The following CLSPN variants were observed in gnomAD, a reference collection of about 807,000 sequenced individuals.
The protein encoded by CLSPN is claspin.
In CLSPN, 85 loss-of-function variants were observed where a neutral mutation model predicts 156.3. The ratio of observed to expected loss-of-function variants is 0.54; its 90% confidence interval spans 0.46 to 0.65. The LOEUF is 0.65. Among genes scored for constraint, CLSPN ranks in the 30% least tolerant of loss-of-function variants. The pLI is 0.00. For missense variants in CLSPN, 1,407 were observed against 1,554.9 expected (o/e 0.90, Z 1.60); for synonymous variants, 534 against 542.4 (o/e 0.98, Z 0.22).
chr1:35,756,670 G>A (rs1642282524), intron 8 of CLSPN, among the ~76,000 whole-genome samples: 1 of 152,148 alleles, frequency 6.6e-6, no homozygotes, highest in East Asian at 1.9e-4. Flanking sequence ...GGAATTAGAG[G>A]CAGGGATTAT....
At position 35,737,352 on chromosome 1, in the gene CLSPN, C is replaced by T; in HGVS notation, c.3734G>A (p.Gly1245Glu). ...TTCCCAACCAACCTGTTGAGCACTTCCTGGTCTGATGGCTTCAAAAGGATT... is the reference window on the plus strand; with the variant it reads ...TTCCCAACCAACCTGTTGAGCACTTTCTGGTCTGATGGCTTCAAAAGGATT... ...LRNPFEAIRP[G>E]SAQQVKTGSL... Residue 1245 changes from glycine (G) to glutamate (E), a missense_variant, in exon 23 of 25, where the codon GGA becomes GAA. Physicochemically the swap from Gly to Glu is moderately conservative, Grantham distance 98. Coordinates refer to ENST00000318121, the MANE Select transcript of CLSPN (RefSeq NM_022111.4). The T allele has an allele frequency of 6.2e-7, 1 of 1,613,950 alleles. No individual in the cohort carries two copies. The highest frequency in any genetic ancestry group is 8.5e-7 in the Non-Finnish European group (1 of 1,179,840).
chr1:35,736,872 T>G, intron 24 of CLSPN, 42 bp downstream of exon 24: 1 of 1,577,218 alleles, frequency 6.3e-7, no homozygotes, highest in Non-Finnish European at 8.6e-7. Flanking sequence ...ATGAATAAAT[T>G]CTGGTTTGGG....
rs1641850597 is a variant in CLSPN, at chr1:35,745,554, T to A, written c.2863A>T (p.Thr955Ser). The change falls in exon 16 of 25, where the codon ACT becomes TCT. Residue 955 changes from threonine to serine, a missense_variant. By Grantham distance (58) the Thr-to-Ser change is moderately conservative. Coordinates refer to ENST00000318121, the MANE Select transcript of CLSPN (RefSeq NM_022111.4). The stretch of plus-strand genomic sequence containing the variant: ...TTATTTAACTCTGATGAGGCTGGAG[T>A]GGAGGCATCTACATCACAACAAGGA... ...SGKFTSQDAS[T>S]PASSELNKQE... 1 of 1,608,406 alleles carries A rather than the reference T, an allele frequency of 6.2e-7. No homozygotes were observed. The highest frequency in any genetic ancestry group is 1.3e-5 in the African/African-American group (1 of 74,770).
At position 35,761,170 on chromosome 1, in the gene CLSPN, C is replaced by T. The variant is rs543042137; in HGVS notation, c.930G>A (p.Glu310=). ...TGAAGAAATCATGAATGGTTTTATT[C>T]TCAGGCATATGATATGGAAGGTTCA... The part of the protein sequence containing the change: ...SALNLPYHMP[E]NKTIHDFFKR... Residue 310 remains glutamate, a synonymous_variant, in exon 7 of 25, where the codon GAG becomes GAA. Coordinates refer to ENST00000318121, the MANE Select transcript of CLSPN (RefSeq NM_022111.4). The T allele has an allele frequency of 5.2e-5, 84 of 1,613,652 alleles. No individual in the cohort carries two copies. Among genetic ancestry groups the T allele is most frequent in the Admixed American group, 2.2e-4 (13 of 60,016 alleles).
At chr1:35,749,441 A>G in intron 12 of CLSPN, 26 bp downstream of exon 12, 1 of 1,609,292 alleles carries the variant, frequency 6.2e-7, no homozygotes, top group Non-Finnish European at 8.5e-7. Flanking sequence ...AGAAATGTTA[A>G]GTTCTGCACA....
At chr1:35,739,088 C>A (rs1029717963) in intron 20 of CLSPN, 48 bp downstream of exon 20, 13 of 1,610,302 alleles carry the variant, frequency 8.1e-6, no homozygotes, top group African/African-American at 1.3e-5. Context: ...CGTGAGCCAC[C>A]ATGCTCAGCC....
chr1:35,751,033 T>C (rs573948193), intron 10 of CLSPN, among the ~76,000 whole-genome samples: 3 of 151,694 alleles, frequency 2.0e-5, no homozygotes, highest in African/African-American at 7.2e-5. Context: ...TACCACTGAA[T>C]ATCTGTATTC....
At chr1:35,753,242 C>T (rs1250332268) in intron 9 of CLSPN, among the ~76,000 whole-genome samples, 1 of 152,130 alleles carries the variant, frequency 6.6e-6, no homozygotes, top group East Asian at 1.9e-4. Context: ...CAGGTGCAGG[C>T]CACCATGCCT....
intron 16 of CLSPN, 40 bp from the exon 17 acceptor site, chr1:35,743,570 A>C: frequency 6.6e-7 from 1 of 1,519,820 alleles, no homozygotes; most frequent in Non-Finnish European, 9.1e-7. Flanking sequence ...AAGTTGTTGA[A>C]AGCAAACTAC....
rs1571220472 is a variant in CLSPN, at chr1:35,762,205, A to G, written c.823-135T>C. 11 of 804,990 alleles carry G rather than the reference A, an allele frequency of 1.4e-5. No individual in the cohort carries two copies. The Middle Eastern group carries it at 9.4e-4, about 69-fold the overall frequency. 49.9% of individuals were successfully genotyped at this position (804,990 alleles called of 1,614,324 possible). On this transcript the variant is annotated intron_variant, in intron 5 of 24. Transcript: ENST00000318121. ...AAGCATGAGTAAGCCCAAATGCAGT[A>G]TAAACTCAAGGAATTCATTTATTCC...
At chr1:35,741,609 C>T (rs1346912588) in intron 18 of CLSPN, among the ~76,000 whole-genome samples, 1 of 152,150 alleles carries the variant, frequency 6.6e-6, no homozygotes, top group Non-Finnish European at 1.5e-5. Flanking sequence ...GGCCACTGCA[C>T]CCAGTTTGTA....
intron 22 of CLSPN, 163 bp downstream of exon 22, chr1:35,737,829 T>C (rs1371323407): frequency 4.5e-6 from 2 of 440,666 alleles, no homozygotes; most frequent in Non-Finnish European, 8.0e-6. Flanking sequence ...TAGTCTAAGA[T>C]CTAAGTACAC....
Position 35,736,513 on chromosome 1 carries a change from T to G in CLSPN, c.4003A>C (p.Lys1335Gln). 6.2e-7 allele frequency: 1 copy of G among 1,604,944 alleles called. No homozygotes were observed. Among genetic ancestry groups the G allele is most frequent in the Non-Finnish European group, 8.5e-7 (1 of 1,176,306 alleles). Residue 1335 changes from lysine (K) to glutamine (Q), a missense_variant, in exon 25 of 25, where the codon AAA (lysine) becomes CAA (glutamine). Physicochemically the swap from Lys to Gln is moderately conservative, Grantham distance 53 (BLOSUM62 1). Transcript: ENST00000318121. ...STSGLTRSIF[K>Q]YLES is the part of the protein sequence containing the mutation. Reference sequence around the variant, plus strand: ...TGATGGTGTTAGCTCTCCAAATATTTGAAGATGCTTCGCGTCAATCCTGAA... The same window carrying G: ...TGATGGTGTTAGCTCTCCAAATATTGGAAGATGCTTCGCGTCAATCCTGAA...
rs1334781270 is a variant in CLSPN at position 35,732,623 on chromosome 1, A to G, written c.*3873T>C. 2 of 985,338 alleles carry G rather than the reference A, an allele frequency of 2.0e-6. No homozygotes were observed. Among genetic ancestry groups the G allele is most frequent in the Non-Finnish European group, 2.4e-6 (2 of 829,944 alleles). 61.0% of individuals were successfully genotyped at this position (985,338 alleles called of 1,614,324 possible). ...TATGGAACAAGGAAGAAACAAAAAC[A>G]CTGACACTGAGCCTACCCTATCTCC... is the stretch of plus-strand genomic sequence containing the variant. On this transcript the variant is annotated 3_prime_UTR_variant, in exon 25 of 25. Transcript: ENST00000318121.
exon 25 of CLSPN, chr1:35,720,583 G>T: frequency 6.2e-6 from 1 of 161,740 alleles, no homozygotes; most frequent in Non-Finnish European, 1.3e-5. Context: ...CTGAGTAGCT[G>T]GGATTACAGG....
intron 9 of CLSPN, among the ~76,000 whole-genome samples, chr1:35,751,973 C>T (rs1046559894): frequency 3.3e-5 from 5 of 152,074 alleles, no homozygotes; most frequent in African/African-American, 4.8e-5. Flanking sequence ...GATACATTTT[C>T]GACATGTTAG....
At chr1:35,766,473 T>A (rs1334099981) in intron 1 of CLSPN, among the ~76,000 whole-genome samples, 2 of 151,974 alleles carry the variant, frequency 1.3e-5, no homozygotes, top group East Asian at 3.9e-4. Context: ...AGATGGAGTT[T>A]TGCCGTTGTC....
At position 35,764,260 on chromosome 1, in the gene CLSPN, A is replaced by C. The variant is rs781524637; in HGVS notation, c.582+6T>G. On this transcript the variant is annotated splice_donor_region_variant and intron_variant, in intron 3 of 24. Coordinates refer to ENST00000318121, the MANE Select transcript of CLSPN (RefSeq NM_022111.4). Reference sequence around the variant, plus strand: ...AAGCAATAGCAAATTATTCTTTAAAATGTACCTGGTTTTTTGTTTCCTTCT... The same window carrying C: ...AAGCAATAGCAAATTATTCTTTAAACTGTACCTGGTTTTTTGTTTCCTTCT... The C allele has an allele frequency of 6.5e-7, 1 of 1,535,652 alleles. No individual in the cohort carries two copies. Among genetic ancestry groups the C allele is most frequent in the Non-Finnish European group, 8.8e-7 (1 of 1,141,254 alleles).
At chr1:35,726,471 T>C in intron 24 of CLSPN, among the ~76,000 whole-genome samples, 1 of 144,234 alleles carries the variant, frequency 6.9e-6, no homozygotes, top group East Asian at 4.0e-4. Context: ...TAAACAATGC[T>C]GGGTGGTGGT....
Sources: gnomAD v4.1 joint callset for allele counts (sites outside exome capture counted in the v4.1 genomes callset) on GRCh38, gnomAD v4.1.1 for gene constraint, MANE v1.5 for transcripts, NCBI Gene and HGNC (gene_info 2026-07-23, HGNC 2026-07-21) for gene names.